Variants in DNER observed in about 807,000 individuals in gnomAD.
DNER encodes the protein delta/notch like EGF repeat containing.
A neutral mutation model predicts 78.2 loss-of-function variants in DNER; 33 were observed. That is an observed-to-expected ratio of 0.42 (90% confidence interval 0.32 to 0.56). The LOEUF is 0.56. DNER is among the 20% of genes least tolerant of loss of function. DNER has a pLI of 0.11. For synonymous variants in DNER, 417 were observed against 384.8 expected (o/e 1.08, Z -0.98); for missense variants, 918 against 975.3 (o/e 0.94, Z 0.78).
intron 4 of DNER, among the ~76,000 whole-genome samples, chr2:229,582,999 AT>A (rs1159321820): frequency 6.6e-6 from 1 of 152,124 alleles, no homozygotes; most frequent in African/African-American, 2.4e-5. Context: ...TCCAAAGATA[AT>A]TTTTTCCACA....
rs953757059 is a variant in DNER at position 229,554,955 on chromosome 2, G to C, written c.848-7863C>G. On this transcript the variant is annotated intron_variant, in intron 4 of 12. Transcript: ENST00000341772. ...GAGAAGAGAGAAAAGGGAAGGGAAG[G>C]GAAGGGAAGGGAAGGGAAGGGAAGG... 3.1e-5 allele frequency among the ~76,000 whole-genome samples: 4 copies of C among 127,260 alleles called. No individual in the cohort carries two copies. In the South Asian group the frequency reaches 8.7e-4, roughly 28 times the overall value. The allele number at this position is 127,260 out of a possible 152,430, so 83.5% of individuals were successfully genotyped here.
intron 1 of DNER, among the ~76,000 whole-genome samples, chr2:229,700,284 A>ATGTGTGTGTGTGTGTGTG (rs74181354): frequency 8.2e-5 from 3 of 36,536 alleles, no homozygotes; most frequent in African/African-American, 1.9e-4. Context: ...ATGTCAATAT[A>ATGTGTGTGTGTGTGTGTG]TGTGTGTGTG....
intron 4 of DNER, among the ~76,000 whole-genome samples, chr2:229,557,334 T>C (rs1362852270): frequency 6.6e-6 from 1 of 152,234 alleles, no homozygotes; most frequent in Non-Finnish European, 1.5e-5. Context: ...GTACATAGCA[T>C]AGTTGCTGCT....
chr2:229,408,863 T>A (rs1368522842), intron 9 of DNER, among the ~76,000 whole-genome samples: 1 of 152,178 alleles, frequency 6.6e-6, no homozygotes, highest in Non-Finnish European at 1.5e-5. Context: ...AGCCAAGCCA[T>A]CAACAATATT....
chr2:229,617,963 A>C (rs776085807), intron 1 of DNER, among the ~76,000 whole-genome samples: 1 of 151,900 alleles, frequency 6.6e-6, no homozygotes, highest in African/African-American at 2.4e-5. Context: ...ACACTGTCTC[A>C]AAAAACAAAA....
intron 10 of DNER, among the ~76,000 whole-genome samples, chr2:229,399,286 T>C (rs1025653851): frequency 1.4e-5 from 2 of 144,108 alleles, no homozygotes; most frequent in African/African-American, 5.0e-5. Context: ...CTATTTACAA[T>C]CACTAAAAAT....
In DNER at chr2:229,669,369, C is replaced by CATATAT. The variant is rs58371383; in HGVS notation, c.276+44773_276+44778dup. ...ATCCCAGAACTTTTATGTATACATA[C>CATATAT]ATATATATATATATATATAAAAGAA... On this transcript the variant is annotated intron_variant, in intron 1 of 12. Transcript: ENST00000341772. 9.4e-3 allele frequency among the ~76,000 whole-genome samples: 1,359 copies of CATATAT among 144,762 alleles called. 25 individuals are homozygous for CATATAT. Among genetic ancestry groups the CATATAT allele is most frequent in the African/African-American group, 0.033 (1,279 of 39,280 alleles). 95.0% of individuals were successfully genotyped at this position (144,762 alleles called of 152,430 possible). A position where few individuals can be genotyped will look rare whatever the true frequency, so the allele number is the denominator to read the frequency against.
At chr2:229,690,431 A>C (rs1699550457) in intron 1 of DNER, among the ~76,000 whole-genome samples, 1 of 152,222 alleles carries the variant, frequency 6.6e-6, no homozygotes, top group African/African-American at 2.4e-5. Context: ...TTTCCCGTCT[A>C]GTTAGTAACA....
intron 7 of DNER, among the ~76,000 whole-genome samples, chr2:229,459,696 G>C (rs1429871666): frequency 6.6e-6 from 1 of 152,028 alleles, no homozygotes; most frequent in East Asian, 1.9e-4. Context: ...CTTCTCACAA[G>C]AGAGTTCGTG....
chr2:229,520,438 G>A (rs543511036), intron 5 of DNER, among the ~76,000 whole-genome samples: 12 of 152,244 alleles, frequency 7.9e-5, no homozygotes, highest in African/African-American at 2.9e-4. Context: ...GATTTCCATC[G>A]TGAGCCAGCC....
chr2:229,427,003 C>A (rs1270937422), intron 8 of DNER, among the ~76,000 whole-genome samples: 1 of 152,194 alleles, frequency 6.6e-6, no homozygotes, highest in Non-Finnish European at 1.5e-5. Context: ...CCTTTTATTG[C>A]TCATGGCAAC....
chr2:229,398,020 C>T (rs1693187317), intron 10 of DNER, among the ~76,000 whole-genome samples: 1 of 151,676 alleles, frequency 6.6e-6, no homozygotes, highest in South Asian at 2.1e-4. Flanking sequence ...AAATCATAGA[C>T]ATAAGAGAAG....
At chr2:229,563,554 A>G (rs1559167918) in intron 4 of DNER, among the ~76,000 whole-genome samples, 1 of 145,878 alleles carries the variant, frequency 6.9e-6, no homozygotes, top group African/African-American at 2.7e-5. Context: ...CATCACCATC[A>G]TCGTCATCAT....
At chr2:229,679,479 C>G (rs1349439649) in intron 1 of DNER, among the ~76,000 whole-genome samples, 1 of 152,088 alleles carries the variant, frequency 6.6e-6, no homozygotes, top group East Asian at 1.9e-4. Context: ...TTCTACTACC[C>G]TGTCCTATTC....
At chr2:229,687,420 C>T (rs987879153) in intron 1 of DNER, among the ~76,000 whole-genome samples, 3 of 152,096 alleles carry the variant, frequency 2.0e-5, no homozygotes, top group East Asian at 1.9e-4. Context: ...TCTACCACCA[C>T]ACCCAGCTAA....
intron 5 of DNER, among the ~76,000 whole-genome samples, chr2:229,535,196 C>T (rs562699145): frequency 3.9e-5 from 6 of 152,252 alleles, no homozygotes; most frequent in Non-Finnish European, 5.9e-5. Flanking sequence ...ATAACCCAAT[C>T]GACAAAAGCT....
intron 11 of DNER, among the ~76,000 whole-genome samples, chr2:229,381,430 C>T (rs563368694): frequency 7.2e-4 from 110 of 152,146 alleles, no homozygotes; most frequent in Non-Finnish European, 2.4e-4. Context: ...GAGACAAAAC[C>T]GTTCACTCCC....
intron 5 of DNER, among the ~76,000 whole-genome samples, chr2:229,526,629 C>T (rs1696214374): frequency 1.3e-5 from 2 of 152,214 alleles, no homozygotes; most frequent in Admixed American, 1.3e-4. Flanking sequence ...CAGTTCACAA[C>T]AGGGTTTGCG....
At chr2:229,582,643 T>C (rs1433232612) in intron 4 of DNER, among the ~76,000 whole-genome samples, 1 of 152,172 alleles carries the variant, frequency 6.6e-6, no homozygotes, top group African/African-American at 2.4e-5. Flanking sequence ...TATTAATATA[T>C]CAAAGTTCTT....
Sources: gnomAD v4.1 joint callset for allele counts (sites outside exome capture counted in the v4.1 genomes callset) on GRCh38, gnomAD v4.1.1 for gene constraint, MANE v1.5 for transcripts, NCBI Gene and HGNC (gene_info 2026-07-23, HGNC 2026-07-21) for gene names.